FOXP4: variants seen among roughly 807,000 people sequenced by gnomAD.
FOXP4 encodes the protein forkhead box P4.
FOXP4 carries 25 observed loss-of-function variants against 82.6 expected under a neutral mutation model. The ratio of observed to expected loss-of-function variants is 0.30; its 90% CI spans 0.22 to 0.42. The LOEUF (loss-of-function observed/expected upper bound fraction) is 0.42, where lower values mean the gene tolerates loss of function less well. Ranked by LOEUF, FOXP4 falls within the 10% of genes least tolerant of loss-of-function variation. The probability of loss-of-function intolerance (pLI) is 1.00; values close to 1 mark genes in which losing one functional copy is unlikely to be tolerated. For missense variants in FOXP4, 785 were observed against 900.9 expected, an observed-to-expected ratio of 0.87 and a Z score of 1.65; for synonymous variants, 415 against 388.2, an observed-to-expected ratio of 1.07 and a Z score of -0.81.
rs577329342 is a variant in FOXP4 at position 41,549,414 on chromosome 6, GC to G, written c.-17+2552del. On this transcript the variant is annotated intron_variant, in intron 1 of 16. Coordinates refer to ENST00000307972, the MANE Select transcript of FOXP4 (RefSeq NM_001012426.2). Reference sequence around the variant, plus strand: ...GTAGGGATCTTCCTCACACCTAGACGCCCCCAGCCCCCTTCCTCTGCCTTTA... The same window carrying G: ...GTAGGGATCTTCCTCACACCTAGACGCCCCAGCCCCCTTCCTCTGCCTTTA... Among the ~76,000 whole-genome samples the G allele has an allele frequency of 2.8e-3, 428 of 152,120 alleles. 2 individuals are homozygous for G. Among genetic ancestry groups the G allele is most frequent in the African/African-American group, 9.8e-3 (405 of 41,488 alleles).
rs1351152839 is a variant in FOXP4 at position 41,598,845 on chromosome 6, G to A, written c.1952G>A (p.Gly651Glu). The change falls in exon 17 of 17, where the codon GGG (glycine) becomes GAG (glutamate). Residue 651 changes from glycine to glutamate, a missense_variant. Transcript: ENST00000307972. ...GAGGCAGAGGAAGACAGGCAGCCCG[G>A]GCCTCCCCTGGGCGCCCCTAACCCC... ...PAEAEEDRQPGPPLGAPNPSA... is the reference protein window; with the variant it reads ...PAEAEEDRQPEPPLGAPNPSA... The A allele has an allele frequency of 1.3e-6, 2 of 1,585,248 alleles. No individual in the cohort carries two copies. The highest frequency in any genetic ancestry group is 2.3e-5 in the East Asian group (1 of 43,980).
chr6:41,566,158 G>T (rs1371789796), intron 2 of FOXP4, among the ~76,000 whole-genome samples, 194 bp downstream of exon 2: 1 of 152,172 alleles, frequency 6.6e-6, no homozygotes, highest in Admixed American at 6.5e-5. Context: ...GGCTACCACA[G>T]CATTTTCAAG....
chr6:41,564,091 C>T (rs143764563), intron 1 of FOXP4, among the ~76,000 whole-genome samples: 318 of 152,328 alleles, frequency 2.1e-3, no homozygotes, highest in Non-Finnish European at 3.4e-3. Flanking sequence ...CCATGTTCCT[C>T]TCAAGGGACT....
At chr6:41,585,667 T>C in intron 5 of FOXP4, 150 bp downstream of exon 5, 3 of 692,368 alleles carry the variant, frequency 4.3e-6, no homozygotes. Context: ...GTGGGGGAAA[T>C]GGGGATGGTG....
chr6:41,571,229 C>A (rs539353741), intron 2 of FOXP4, among the ~76,000 whole-genome samples: 2 of 152,234 alleles, frequency 1.3e-5, no homozygotes, highest in East Asian at 1.9e-4. Flanking sequence ...GACTCTCCCC[C>A]TCATGACACC....
intron 16 of FOXP4, 166 bp from the exon 17 acceptor site, chr6:41,598,622 CT>C: frequency 1.0e-6 from 1 of 976,958 alleles, no homozygotes; most frequent in South Asian, 1.7e-5. Flanking sequence ...ACCAGCTTTT[CT>C]TTGAAGAGAG....
At chr6:41,595,141 G>GTGCT (rs1338224295) in intron 14 of FOXP4, 150 bp downstream of exon 14, 3 of 1,201,620 alleles carry the variant, frequency 2.5e-6, no homozygotes, top group Non-Finnish European at 2.3e-6. Context: ...GAGGAGACTA[G>GTGCT]TGCTTGGGGA....
At position 41,599,290 on chromosome 6, in the gene FOXP4, C is replaced by A; in HGVS notation, c.*354C>A. On this transcript the variant is annotated 3_prime_UTR_variant, in exon 17 of 17. Coordinates refer to ENST00000307972, the MANE Select transcript of FOXP4 (RefSeq NM_001012426.2). ...AGGGCCCCTCAGCATCATGGAGACC[C>A]GCAGGCGGGGCTTAGCCACCCCTCA... 1 of 188,786 alleles carries A rather than the reference C, an allele frequency of 5.3e-6. No homozygotes were observed. The highest frequency in any genetic ancestry group is 1.1e-5 in the Non-Finnish European group (1 of 90,650). 11.7% of individuals were successfully genotyped at this position (188,786 alleles called of 1,614,324 possible).
intron 2 of FOXP4, among the ~76,000 whole-genome samples, chr6:41,571,736 C>G (rs1765211724): frequency 6.6e-6 from 1 of 152,132 alleles, no homozygotes; most frequent in South Asian, 2.1e-4. Context: ...TCTCCTCTCC[C>G]CACCTTCCTT....
chr6:41,584,357 A>T (rs1156838979), intron 3 of FOXP4, among the ~76,000 whole-genome samples: 1 of 152,222 alleles, frequency 6.6e-6, no homozygotes, highest in Non-Finnish European at 1.5e-5. Flanking sequence ...GTGGCCTGGT[A>T]TGCTGTCCCT....
At chr6:41,578,558 C>T (rs997012686) in intron 3 of FOXP4, among the ~76,000 whole-genome samples, 1 of 151,980 alleles carries the variant, frequency 6.6e-6, no homozygotes, top group African/African-American at 2.4e-5. Flanking sequence ...CCCTCATCCA[C>T]CAGCTCTCTC....
rs1031072812 is a variant in FOXP4, at chr6:41,593,700, G to A, written c.1537-1170G>A. ...TATCGCTCCAAGAGATTCCACTCCA[G>A]CCGCCCGCCTCCCTCGTGGATTAGC... is the stretch of plus-strand genomic sequence containing the variant. On this transcript the variant is annotated intron_variant, in intron 13 of 16. Transcript: ENST00000307972. The surrounding 1 kb of genome is among the most constrained non-coding windows in gnomAD (Gnocchi z 4.1). Among the ~76,000 whole-genome samples, 5 of 152,130 alleles carry A rather than the reference G, an allele frequency of 3.3e-5. No individual in the cohort carries two copies. In the East Asian group the frequency reaches 9.7e-4, roughly 29 times the overall value.
chr6:41,585,670 G>A (rs554958465), intron 5 of FOXP4, among the ~76,000 whole-genome samples, 153 bp downstream of exon 5: 3 of 152,206 alleles, frequency 2.0e-5, no homozygotes, highest in African/African-American at 7.2e-5. Context: ...GGGGAAATGG[G>A]GATGGTGGTT....
chr6:41,547,737 C>T lies in FOXP4; in HGVS notation c.-17+870C>T, dbSNP rs1264721105. Among the ~76,000 whole-genome samples, 8 of 152,122 alleles carry T rather than the reference C, an allele frequency of 5.3e-5. 1 individual carries two copies. The South Asian group carries it at 1.5e-3, about 28-fold the overall frequency. On this transcript the variant is annotated intron_variant, in intron 1 of 16. Coordinates refer to ENST00000307972, the MANE Select transcript of FOXP4 (RefSeq NM_001012426.2). ...GGAAGAGAGGGCGGCCACGGGGGCCCGGAGGCCACCAGGGAAGGAGCCCGG... is the reference window on the plus strand; with the variant it reads ...GGAAGAGAGGGCGGCCACGGGGGCCTGGAGGCCACCAGGGAAGGAGCCCGG...
At position 41,602,055 on chromosome 6, in the gene FOXP4, T is replaced by C. The variant is rs2127416733; in HGVS notation, c.*3119T>C. 6.6e-6 allele frequency: 1 copy of C among 152,538 alleles called. No homozygotes were observed. The highest frequency in any genetic ancestry group is 1.9e-4 in the East Asian group (1 of 5,178). The allele number at this position is 152,538 out of a possible 1,614,324, so 9.4% of individuals were successfully genotyped here. A position where few individuals can be genotyped will look rare whatever the true frequency, so the allele number is the denominator to read the frequency against. Reference sequence around the variant, plus strand: ...TTTGTCCTTTTCGTCCATCTATTTCTGTCTGTCGCTCACTCGCCCCGCTTT... The same window carrying C: ...TTTGTCCTTTTCGTCCATCTATTTCCGTCTGTCGCTCACTCGCCCCGCTTT... On this transcript the variant is annotated 3_prime_UTR_variant, in exon 17 of 17. Coordinates refer to ENST00000307972, the MANE Select transcript of FOXP4 (RefSeq NM_001012426.2).
intron 1 of FOXP4, among the ~76,000 whole-genome samples, chr6:41,555,882 T>C (rs145061523): frequency 6.6e-6 from 1 of 152,358 alleles, no homozygotes; most frequent in Non-Finnish European, 1.5e-5. Context: ...ATTAGACACT[T>C]AGATGGCTCT....
In FOXP4 at chr6:41,593,053, A is replaced by T. The variant is rs954112699; in HGVS notation, c.1536+1731A>T. Among the ~76,000 whole-genome samples, 1 of 152,022 alleles carries T rather than the reference A, an allele frequency of 6.6e-6. No homozygotes were observed. The highest frequency in any genetic ancestry group is 6.6e-5 in the Admixed American group (1 of 15,260). On this transcript the variant is annotated intron_variant, in intron 13 of 16. Transcript: ENST00000307972. The surrounding 1 kb of genome is among the most constrained non-coding windows in gnomAD (Gnocchi z 4.1). ...TGAGGCCACTGCCTGAGCCTTCCTC[A>T]TGGCACAGCAGAATCCATCCAGCTT...
chr6:41,576,287 C>G (rs1562027598), intron 2 of FOXP4, among the ~76,000 whole-genome samples: 1 of 152,134 alleles, frequency 6.6e-6, no homozygotes, highest in Non-Finnish European at 1.5e-5. Flanking sequence ...TAGGCCAGTG[C>G]ATATTTAGTT....
chr6:41,590,397 C>A, intron 12 of FOXP4, 50 bp downstream of exon 12: 1 of 1,571,414 alleles, frequency 6.4e-7, no homozygotes, highest in Non-Finnish European at 8.7e-7. Flanking sequence ...CAGGCTGCTC[C>A]CCCAGCCCCC....
Sources: gnomAD v4.1 joint callset for allele counts (sites outside exome capture counted in the v4.1 genomes callset) on GRCh38, gnomAD v4.1.1 for gene constraint, Gnocchi (gnomAD v3.1) non-coding constraint, MANE v1.5 for transcripts, NCBI Gene and HGNC (gene_info 2026-07-23, HGNC 2026-07-21) for gene names.